Variants in PDE1C observed in about 807,000 individuals in gnomAD.
PDE1C encodes the protein dual specificity calcium/calmodulin-dependent 3',5'-cyclic nucleotide phosphodiesterase 1C.
A neutral mutation model predicts 93.1 loss-of-function variants in PDE1C; 62 were observed. That is an observed-to-expected ratio of 0.67 (90% CI 0.54 to 0.82). PDE1C has a LOEUF of 0.82. Among genes scored for constraint, PDE1C ranks in the 40% least tolerant of loss-of-function variants. The probability of loss-of-function intolerance (pLI) is 0.00; values close to 1 mark genes in which losing one functional copy is unlikely to be tolerated. For missense variants in PDE1C, 742 were observed against 884.6 expected (o/e 0.84, Z 2.04); for synonymous variants, 325 against 310.1 (o/e 1.05, Z -0.50).
chr7:31,703,774 G>T, the PDE1C span, among the ~76,000 whole-genome samples: 1 of 152,142 alleles, frequency 6.6e-6, no homozygotes, highest in African/African-American at 2.4e-5. Context: ...AGTGAAAACT[G>T]GACAAGGATC....
chr7:31,866,596 C>T (rs1204652577), intron 6 of PDE1C, among the ~76,000 whole-genome samples: 1 of 152,128 alleles, frequency 6.6e-6, no homozygotes, highest in Non-Finnish European at 1.5e-5. Flanking sequence ...GTGGGAGGGG[C>T]TTCAAGATGG....
At chr7:32,065,057 G>A (rs201723560) in intron 1 of PDE1C, among the ~76,000 whole-genome samples, 31 of 143,796 alleles carry the variant, frequency 2.2e-4, no homozygotes, top group African/African-American at 6.9e-4. Flanking sequence ...GCGGTGGGGG[G>A]GGGGGGGAGG....
intron 1 of PDE1C, chr7:32,052,183 G>A (rs963874838): frequency 2.0e-5 from 8 of 409,520 alleles, no homozygotes; most frequent in South Asian, 8.7e-5. Context: ...AGGGGACAAT[G>A]AGAAAGTCTA....
the PDE1C span, among the ~76,000 whole-genome samples, chr7:31,664,787 A>G: frequency 2.0e-3 from 304 of 152,350 alleles, 2 homozygotes; most frequent in African/African-American, 6.9e-3. Flanking sequence ...GACATTTTCC[A>G]TTCTATGTCT....
chr7:31,673,155 G>GA, the PDE1C span, among the ~76,000 whole-genome samples: 2 of 152,080 alleles, frequency 1.3e-5, no homozygotes, highest in Non-Finnish European at 2.9e-5. Context: ...ATACAGTGGG[G>GA]AAAAAAAGAA....
At chr7:31,747,847 C>A (rs1548827), downstream of PDE1C, among the ~76,000 whole-genome samples, 134,807 of 145,438 alleles carry the variant, frequency 0.93, 62,928 homozygotes, top group East Asian at 1. Context: ...AGTCAGTCTG[C>A]AAAACATCTC....
intron 1 of PDE1C, among the ~76,000 whole-genome samples, chr7:32,361,358 C>T (rs1315745663): frequency 1.3e-5 from 2 of 152,206 alleles, no homozygotes; most frequent in African/African-American, 4.8e-5. Flanking sequence ...TAGAACCACA[C>T]CCAAAGCAGC....
chr7:31,694,805 G>C, the PDE1C span, among the ~76,000 whole-genome samples: 1 of 152,148 alleles, frequency 6.6e-6, no homozygotes, highest in Non-Finnish European at 1.5e-5. Context: ...ACTTCTGATA[G>C]ACTCGATGTA....
At chr7:31,889,122 A>G (rs956742112) in intron 2 of PDE1C, among the ~76,000 whole-genome samples, 1 of 152,230 alleles carries the variant, frequency 6.6e-6, no homozygotes, top group Non-Finnish European at 1.5e-5. Context: ...CAAATTCACC[A>G]CAAGTCATTT....
At chr7:31,841,209 G>GTCTCTCTCTC (rs377551907) in intron 9 of PDE1C, among the ~76,000 whole-genome samples, 26,079 of 139,968 alleles carry the variant, frequency 0.19, 2,601 homozygotes, top group Non-Finnish European at 0.23. Flanking sequence ...CCCTCTCTCT[G>GTCTCTCTCTC]TCTCTCTCTC....
intron 16 of PDE1C, among the ~76,000 whole-genome samples, chr7:31,799,392 T>C (rs1430321950): frequency 6.6e-6 from 1 of 151,644 alleles, no homozygotes; most frequent in African/African-American, 2.4e-5. Flanking sequence ...ATGATGAAAA[T>C]TAAATACCAC....
chr7:32,301,373 T>A (rs1812878421), upstream of PDE1C, among the ~76,000 whole-genome samples: 1 of 152,150 alleles, frequency 6.6e-6, no homozygotes, highest in African/African-American at 2.4e-5. Flanking sequence ...GTGAGTGAAA[T>A]TAAAACTTGG....
chr7:32,050,982 G>T (rs778260673), intron 2 of PDE1C, among the ~76,000 whole-genome samples: 1 of 152,068 alleles, frequency 6.6e-6, no homozygotes. Flanking sequence ...ATCCCTCATG[G>T]CTCCTTATGC....
At chr7:32,338,229 G>C (rs1783669410) in intron 1 of PDE1C, among the ~76,000 whole-genome samples, 1 of 152,058 alleles carries the variant, frequency 6.6e-6, no homozygotes, top group Admixed American at 6.6e-5. Flanking sequence ...CCAGTAAGGG[G>C]TTATTATCCA....
chr7:32,256,224 T>C (rs1251379092), intron 1 of PDE1C, among the ~76,000 whole-genome samples: 12 of 152,190 alleles, frequency 7.9e-5, no homozygotes, highest in Non-Finnish European at 2.9e-5. Context: ...CAAACAGATG[T>C]CTCCCAGAAG....
chr7:32,124,439 C>T (rs1799459413), intron 3 of PDE1C, among the ~76,000 whole-genome samples: 2 of 152,160 alleles, frequency 1.3e-5, no homozygotes, highest in South Asian at 4.1e-4. Flanking sequence ...CATCATGCTA[C>T]CTGACTTCAA....
chr7:32,092,164 T>TGA (rs3078655), intron 3 of PDE1C, among the ~76,000 whole-genome samples: 94,260 of 148,902 alleles, frequency 0.63, 30,106 homozygotes, highest in Non-Finnish European at 0.7. Context: ...CTTTTGTTCA[T>TGA]GAGAGAGAGA....
chr7:31,828,826 T>A (rs1232401321), intron 11 of PDE1C, among the ~76,000 whole-genome samples: 1 of 152,206 alleles, frequency 6.6e-6, no homozygotes, highest in East Asian at 1.9e-4. Flanking sequence ...CTTCTAGTGC[T>A]ACCTAAAGCC....
At chr7:32,184,399 C>G (rs1803691183) in intron 2 of PDE1C, among the ~76,000 whole-genome samples, 1 of 152,182 alleles carries the variant, frequency 6.6e-6, no homozygotes, top group South Asian at 2.1e-4. Flanking sequence ...TGGAACCAAC[C>G]CAAATGTCCA....
Sources: gnomAD v4.1 joint callset for allele counts (sites outside exome capture counted in the v4.1 genomes callset) on GRCh38, gnomAD v4.1.1 for gene constraint, MANE v1.5 for transcripts, NCBI Gene and HGNC (gene_info 2026-07-23, HGNC 2026-07-21) for gene names.